The following MEGF9 variants were observed in gnomAD, a reference collection of about 807,000 sequenced individuals.
The protein encoded by MEGF9 is multiple epidermal growth factor-like domains protein 9.
A neutral mutation model predicts 46.8 loss-of-function variants in MEGF9; 6 were observed. That is an observed-to-expected ratio of 0.13 (90% CI 0.07 to 0.25). MEGF9 has a LOEUF of 0.25. Among genes scored for constraint, MEGF9 ranks in the 10% least tolerant of loss-of-function variants. The pLI is 1.00. For missense variants in MEGF9, 683 were observed against 792.4 expected (o/e 0.86, Z 1.66); for synonymous variants, 302 against 330.7 (o/e 0.91, Z 0.94).
chr9:120,674,672 G>C (rs1477402380), intron 1 of MEGF9, among the ~76,000 whole-genome samples: 1 of 151,196 alleles, frequency 6.6e-6, no homozygotes, highest in Non-Finnish European at 1.5e-5. Context: ...GAGTTCAAGG[G>C]ACTCTCCTGC....
chr9:120,608,730 T>C (rs116155589), intron 4 of MEGF9, among the ~76,000 whole-genome samples: 1,626 of 152,288 alleles, frequency 0.011, 30 homozygotes, highest in African/African-American at 0.034. Context: ...GAGTCCTGTC[T>C]TCCTCCAATG....
At chr9:120,624,125 A>G (rs1587976557) in intron 2 of MEGF9, among the ~76,000 whole-genome samples, 1 of 152,218 alleles carries the variant, frequency 6.6e-6, no homozygotes, top group Non-Finnish European at 1.5e-5. Flanking sequence ...AAGACTTTCT[A>G]TCTGGAGGAT....
At chr9:120,657,807 T>C (rs981301545) in intron 2 of MEGF9, among the ~76,000 whole-genome samples, 1 of 152,172 alleles carries the variant, frequency 6.6e-6, no homozygotes, top group Non-Finnish European at 1.5e-5. Flanking sequence ...ACACTGGACT[T>C]GGAATTGAAG....
chr9:120,654,193 GA>G (rs2043666130), intron 2 of MEGF9, among the ~76,000 whole-genome samples: 1 of 152,136 alleles, frequency 6.6e-6, no homozygotes, highest in African/African-American at 2.4e-5. Context: ...CTTAGAAGAA[GA>G]TGATAAAGGA....
At chr9:120,667,189 A>G (rs948041466) in intron 1 of MEGF9, among the ~76,000 whole-genome samples, 2 of 152,358 alleles carry the variant, frequency 1.3e-5, no homozygotes, top group East Asian at 1.9e-4. Context: ...ACTTGGCACT[A>G]ACGTCCACAG....
In MEGF9 at chr9:120,604,794, T is replaced by C. The variant is rs2043412838; in HGVS notation, c.*396A>G. On this transcript the variant is annotated 3_prime_UTR_variant, in exon 6 of 6. Transcript: ENST00000373930. ...CCTGACACTGTTTTAAAAAAAATGTTTCAGGAATGGAGATGAAGTCTTCCA... is the reference window on the plus strand; with the variant it reads ...CCTGACACTGTTTTAAAAAAAATGTCTCAGGAATGGAGATGAAGTCTTCCA... 1 of 192,290 alleles carries C rather than the reference T, an allele frequency of 5.2e-6. No individual in the cohort carries two copies. The highest frequency in any genetic ancestry group is 1.1e-5 in the Non-Finnish European group (1 of 91,878). 11.9% of individuals were successfully genotyped at this position (192,290 alleles called of 1,614,324 possible). A position where few individuals can be genotyped will look rare whatever the true frequency, so the allele number is the denominator to read the frequency against.
intron 3 of MEGF9, among the ~76,000 whole-genome samples, chr9:120,621,416 T>C (rs1431154064): frequency 6.6e-6 from 1 of 152,268 alleles, no homozygotes; most frequent in Admixed American, 6.5e-5. Context: ...TCAAGTCTTC[T>C]AACTTTGTCT....
At chr9:120,672,544 C>A (rs935528308) in intron 1 of MEGF9, among the ~76,000 whole-genome samples, 4 of 152,034 alleles carry the variant, frequency 2.6e-5, no homozygotes, top group Non-Finnish European at 5.9e-5. Context: ...TCACTTGAGC[C>A]CAGGAGGTCA....
intron 2 of MEGF9, among the ~76,000 whole-genome samples, chr9:120,650,920 T>C (rs1227800630): frequency 6.6e-6 from 1 of 152,168 alleles, no homozygotes; most frequent in African/African-American, 2.4e-5. Context: ...CTATTACACT[T>C]TAATTTACTT....
chr9:120,661,374 G>A (rs889195505), intron 1 of MEGF9, among the ~76,000 whole-genome samples: 1 of 152,070 alleles, frequency 6.6e-6, no homozygotes, highest in Non-Finnish European at 1.5e-5. Context: ...AAAATTAGGC[G>A]GGCATCCTGG....
rs946806865 is a variant in MEGF9 at position 120,658,176 on chromosome 9, G to A, written c.803+1198C>T. On this transcript the variant is annotated intron_variant, in intron 2 of 5. Transcript: ENST00000373930. ...ATTTGTTTGTATTTTTAGTAGAGAC[G>A]GGGTTTCACTGTGCTGGCCAGGCTC... Among the ~76,000 whole-genome samples the A allele has an allele frequency of 7.2e-5, 11 of 151,906 alleles. No individual in the cohort carries two copies. In the East Asian group the frequency reaches 7.7e-4, roughly 11 times the overall value.
chr9:120,653,184 T>C (rs41417544), intron 2 of MEGF9, among the ~76,000 whole-genome samples: 1,817 of 152,278 alleles, frequency 0.012, 26 homozygotes, highest in African/African-American at 0.042. Context: ...CAACTTTCCA[T>C]TTCTGTTCTA....
intron 1 of MEGF9, among the ~76,000 whole-genome samples, chr9:120,669,446 T>C (rs2043739175): frequency 6.6e-6 from 1 of 151,368 alleles, no homozygotes; most frequent in South Asian, 2.1e-4. Flanking sequence ...ACAAAAGACA[T>C]AAAACAGAAT....
At chr9:120,641,043 C>CT (rs1487586068) in intron 2 of MEGF9, among the ~76,000 whole-genome samples, 1 of 152,070 alleles carries the variant, frequency 6.6e-6, no homozygotes, top group Non-Finnish European at 1.5e-5. Flanking sequence ...TGATTTTGTT[C>CT]TTTTTTACAG....
chr9:120,677,181 T>A (rs1218508937), intron 1 of MEGF9, among the ~76,000 whole-genome samples: 1 of 151,910 alleles, frequency 6.6e-6, no homozygotes, highest in East Asian at 1.9e-4. Flanking sequence ...CAGGATGGAG[T>A]GCAGTGGCAC....
At chr9:120,634,398 A>G (rs532424140) in intron 2 of MEGF9, among the ~76,000 whole-genome samples, 1 of 145,350 alleles carries the variant, frequency 6.9e-6, no homozygotes, top group Non-Finnish European at 1.5e-5. Context: ...TATCTGACTT[A>G]GGCATAGCTA....
rs372486888 is a variant in MEGF9, at chr9:120,601,129, C to G, written c.*4061G>C. ...GTTTCAGAAACATTCCCTAATTGCT[C>G]GGCCTATAATTTAATGTATTATAGA... is the stretch of plus-strand genomic sequence containing the variant. On this transcript the variant is annotated 3_prime_UTR_variant, in exon 6 of 6. Coordinates refer to ENST00000373930, the MANE Select transcript of MEGF9 (RefSeq NM_001080497.3). 5.9e-5 allele frequency: 9 copies of G among 152,706 alleles called. No homozygotes were observed. The highest frequency in any genetic ancestry group is 2.2e-4 in the African/African-American group (9 of 41,548). The allele number at this position is 152,706 out of a possible 1,614,324, so 9.5% of individuals were successfully genotyped here. A position where few individuals can be genotyped will look rare whatever the true frequency, so the allele number is the denominator to read the frequency against.
At chr9:120,655,494 T>C (rs1187760845) in intron 2 of MEGF9, among the ~76,000 whole-genome samples, 1 of 152,170 alleles carries the variant, frequency 6.6e-6, no homozygotes, top group Non-Finnish European at 1.5e-5. Flanking sequence ...ATAACACATT[T>C]CTCACAACAT....
intron 2 of MEGF9, among the ~76,000 whole-genome samples, chr9:120,639,904 A>G (rs1215975859): frequency 3.3e-5 from 5 of 152,164 alleles, no homozygotes; most frequent in Admixed American, 3.3e-4. Flanking sequence ...AGATAGCCAA[A>G]ACTCTAGTAC....
Sources: allele counts gnomAD v4.1 joint callset (sites outside exome capture counted in the v4.1 genomes callset), GRCh38; gene constraint gnomAD v4.1.1; transcripts MANE v1.5; gene names NCBI Gene and HGNC (gene_info 2026-07-23, HGNC 2026-07-21).